PDE4B: variants seen among roughly 807,000 people sequenced by gnomAD.
PDE4B encodes phosphodiesterase 4B.
PDE4B carries 20 observed loss-of-function variants against 82.2 expected under a neutral mutation model. That is an observed-to-expected ratio of 0.24 (90% confidence interval 0.17 to 0.35). The LOEUF (loss-of-function observed/expected upper bound fraction) is 0.35. Ranked by LOEUF, PDE4B falls within the 10% of genes least tolerant of loss-of-function variation. The pLI, the probability that PDE4B is intolerant of heterozygous loss-of-function variation, is 1.00. For missense variants in PDE4B, 655 were observed against 907.2 expected (o/e 0.72, Z 3.57); for synonymous variants, 320 against 318.9 (o/e 1.00, Z -0.04).
intron 9 of PDE4B, chr1:66,360,877 A>G (rs1426910664): frequency 6.6e-6 from 1 of 152,198 alleles, no homozygotes; most frequent in African/African-American, 2.4e-5. Flanking sequence ...ATAAATATTT[A>G]ATAACCTTAA....
At chr1:66,088,993 G>A (rs1159853670) in intron 3 of PDE4B, among the ~76,000 whole-genome samples, 3 of 152,046 alleles carry the variant, frequency 2.0e-5, no homozygotes, top group East Asian at 1.9e-4. Context: ...CATTAGACAC[G>A]TAGTGAGAAT....
intron 1 of PDE4B, among the ~76,000 whole-genome samples, chr1:65,877,328 G>A (rs1646656335): frequency 6.6e-6 from 1 of 152,120 alleles, no homozygotes; most frequent in Admixed American, 6.6e-5. Flanking sequence ...AATAAATGGT[G>A]CTGGGGGCCG....
intron 8 of PDE4B, among the ~76,000 whole-genome samples, chr1:66,333,541 C>T: frequency 6.6e-6 from 1 of 152,138 alleles, no homozygotes; most frequent in East Asian, 1.9e-4. Flanking sequence ...ATTTCAGAGT[C>T]CCAGTCATTC....
chr1:65,930,771 A>G (rs1461075660), intron 3 of PDE4B, among the ~76,000 whole-genome samples: 1 of 152,252 alleles, frequency 6.6e-6, no homozygotes, highest in Admixed American at 6.5e-5. Flanking sequence ...CATAGGCAGA[A>G]GGGACTAGCC....
chr1:66,286,231 A>G (rs1656662985), intron 7 of PDE4B, among the ~76,000 whole-genome samples: 1 of 152,132 alleles, frequency 6.6e-6, no homozygotes, highest in Admixed American at 6.5e-5. Context: ...TATAAACTGA[A>G]ACTTTGAGGA....
At chr1:66,151,694 A>G (rs1426899848) in intron 3 of PDE4B, among the ~76,000 whole-genome samples, 4 of 152,186 alleles carry the variant, frequency 2.6e-5, no homozygotes, top group African/African-American at 7.2e-5. Flanking sequence ...ATGTCTAACA[A>G]TCTGGGTACT....
intron 7 of PDE4B, among the ~76,000 whole-genome samples, chr1:66,295,088 A>G (rs1657405063): frequency 6.6e-6 from 1 of 152,162 alleles, no homozygotes; most frequent in African/African-American, 2.4e-5. Context: ...GTGTATGGCC[A>G]CTTGAGATTT....
At chr1:66,136,538 C>T (rs564705538) in intron 3 of PDE4B, among the ~76,000 whole-genome samples, 15 of 151,690 alleles carry the variant, frequency 9.9e-5, no homozygotes, top group African/African-American at 3.4e-4. Flanking sequence ...GATGAAACCC[C>T]ATCTCTACTA....
At chr1:66,256,105 G>A (rs954692986) in intron 4 of PDE4B, among the ~76,000 whole-genome samples, 2 of 152,204 alleles carry the variant, frequency 1.3e-5, no homozygotes, top group Non-Finnish European at 1.5e-5. Flanking sequence ...TGAGCCTGGA[G>A]GCAGAAGTTG....
At chr1:66,326,087 T>G (rs928461113) in intron 7 of PDE4B, among the ~76,000 whole-genome samples, 1 of 152,224 alleles carries the variant, frequency 6.6e-6, no homozygotes, top group African/African-American at 2.4e-5. Context: ...TTGTCGTTGT[T>G]TTTTAGCTAT....
chr1:65,818,939 TG>T (rs1476052468), intron 1 of PDE4B, among the ~76,000 whole-genome samples: 2 of 152,174 alleles, frequency 1.3e-5, no homozygotes, highest in Non-Finnish European at 2.9e-5. Flanking sequence ...CAAATTTCAG[TG>T]GCTTCTTAAA....
chr1:66,312,424 T>A (rs1658737624), intron 7 of PDE4B, among the ~76,000 whole-genome samples: 1 of 152,232 alleles, frequency 6.6e-6, no homozygotes, highest in African/African-American at 2.4e-5. Context: ...CCTTGGCTCC[T>A]GGCCCCCTTT....
chr1:65,804,960 T>TG lies in PDE4B; in HGVS notation c.-71+11719dup, dbSNP rs1359210275. On this transcript the variant is annotated intron_variant, in intron 1 of 16. Coordinates refer to ENST00000341517, the MANE Select transcript of PDE4B (RefSeq NM_002600.4). ...TATTTAAGGGGCACATCTTTTTTTT[T>TG]GGGGGGGTGGGTGGGGGGTGGGAGG... Among the ~76,000 whole-genome samples, 33 of 85,286 alleles carry TG rather than the reference T, an allele frequency of 3.9e-4. No homozygotes were observed. The East Asian group carries it at 4.8e-3, about 12-fold the overall frequency. 56.0% of individuals were successfully genotyped at this position (85,286 alleles called of 152,430 possible). A position where few individuals can be genotyped will look rare whatever the true frequency, so the allele number is the denominator to read the frequency against.
chr1:66,237,903 G>A (rs1652588585), intron 3 of PDE4B, among the ~76,000 whole-genome samples: 1 of 152,166 alleles, frequency 6.6e-6, no homozygotes, highest in South Asian at 2.1e-4. Context: ...ATACCGTTAA[G>A]TGCAACAGAT....
chr1:66,367,966 A>C lies in PDE4B; in HGVS notation c.1563A>C (p.Lys521Asn). 6.2e-7 allele frequency: 1 copy of C among 1,613,882 alleles called. No individual in the cohort carries two copies. The highest frequency in any genetic ancestry group is 8.5e-7 in the Non-Finnish European group (1 of 1,179,820). Residue 521 changes from lysine (K) to asparagine (N), a missense_variant, in exon 15 of 17, where the codon AAA (lysine) becomes AAC (asparagine). Physicochemically the swap from Lys to Asn is moderately conservative, Grantham distance 94. This residue lies in a region of PDE4B where 283 missense variants were observed against 516.4 expected (regional missense o/e 0.55). Transcript: ENST00000341517. ...IDMVLATDMS[K>N]HMSLLADLKT... ...AGGTGTTAGCAACTGATATGTCTAA[A>C]CATATGAGCCTGCTGGCAGACCTGA... is the stretch of plus-strand genomic sequence containing the variant.
intron 3 of PDE4B, among the ~76,000 whole-genome samples, chr1:66,203,146 T>C (rs1042515580): frequency 6.6e-6 from 1 of 151,908 alleles, no homozygotes; most frequent in Admixed American, 6.6e-5. Context: ...GGTTGAAAAT[T>C]CTTTTCTTTA....
intron 3 of PDE4B, among the ~76,000 whole-genome samples, chr1:65,957,902 ACTTGT>A (rs1444187138): frequency 2.0e-5 from 3 of 152,114 alleles, no homozygotes; most frequent in Admixed American, 6.6e-5. Context: ...ATGCATAATA[ACTTGT>A]CTTGAGAATC....
At chr1:66,358,477 C>T (rs951243121) in intron 9 of PDE4B, among the ~76,000 whole-genome samples, 1 of 152,066 alleles carries the variant, frequency 6.6e-6, no homozygotes, top group Non-Finnish European at 1.5e-5. Context: ...GAGTTCGAGA[C>T]CAGCCTGGTC....
intron 3 of PDE4B, among the ~76,000 whole-genome samples, chr1:66,211,962 T>C (rs1272706119): frequency 6.6e-6 from 1 of 152,142 alleles, no homozygotes; most frequent in African/African-American, 2.4e-5. Flanking sequence ...CAAACAGAGA[T>C]TTTTCTTGCT....
Sources: allele counts gnomAD v4.1 joint callset (sites outside exome capture counted in the v4.1 genomes callset), GRCh38; gene constraint gnomAD v4.1.1; regional missense constraint gnomAD v4.1.1; transcripts MANE v1.5; gene names NCBI Gene and HGNC (gene_info 2026-07-23, HGNC 2026-07-21).